ASAP2: variants seen among roughly 807,000 people sequenced by gnomAD.
ASAP2 encodes the protein ArfGAP with SH3 domain, ankyrin repeat and PH domain 2.
Under a neutral mutation model 131.4 loss-of-function variants are expected in ASAP2, and 45 were observed. The observed-to-expected ratio is 0.34, with a 90% CI of 0.27 to 0.44. The LOEUF (loss-of-function observed/expected upper bound fraction) is 0.44, where lower values mean the gene tolerates loss of function less well. Ranked by LOEUF, ASAP2 falls within the 20% of genes least tolerant of loss-of-function variation. The pLI is 1.00. For synonymous variants in ASAP2, 510 were observed against 503.0 expected, an observed-to-expected ratio of 1.01 and a Z score of -0.19; for missense variants, 1,011 against 1,297.0, an observed-to-expected ratio of 0.78 and a Z score of 3.39.
At chr2:9,243,210 G>A (rs1664100675) in intron 1 of ASAP2, among the ~76,000 whole-genome samples, 2 of 152,208 alleles carry the variant, frequency 1.3e-5, no homozygotes, top group African/African-American at 2.4e-5. Flanking sequence ...CCGGGTTCAC[G>A]CCATTCTCCT....
chr2:9,317,653 CTT>C (rs1307599967), intron 3 of ASAP2, among the ~76,000 whole-genome samples: 3 of 151,266 alleles, frequency 2.0e-5, no homozygotes, highest in African/African-American at 7.3e-5. Context: ...CATTTACACA[CTT>C]ACACAATCAC....
intron 12 of ASAP2, among the ~76,000 whole-genome samples, chr2:9,351,908 C>T (rs776680910): frequency 2.6e-5 from 4 of 152,182 alleles, no homozygotes; most frequent in African/African-American, 4.8e-5. Flanking sequence ...ACCATTTATT[C>T]TGTTCTTCAG....
intron 27 of ASAP2, among the ~76,000 whole-genome samples, chr2:9,403,042 GCTC>G (rs1457412105): frequency 2.6e-5 from 4 of 152,210 alleles, no homozygotes; most frequent in Non-Finnish European, 2.9e-5. Flanking sequence ...GCTGGGAAGA[GCTC>G]CTTACACGGG....
chr2:9,243,424 A>G (rs144955499), intron 1 of ASAP2, among the ~76,000 whole-genome samples: 1 of 152,230 alleles, frequency 6.6e-6, no homozygotes, highest in East Asian at 1.9e-4. Flanking sequence ...TTTTTTTTAT[A>G]ATGTGCATTT....
At position 9,320,389 on chromosome 2, in the gene ASAP2, T is replaced by G. The variant is rs370851313; in HGVS notation, c.470+52T>G. ...GTATAGGTAATTTGGGATTTCAAATTTAAACCAACCTCGTATTGCTTAAAG... is the reference window on the plus strand; with the variant it reads ...GTATAGGTAATTTGGGATTTCAAATGTAAACCAACCTCGTATTGCTTAAAG... On this transcript the variant is annotated intron_variant, in intron 5 of 27. Coordinates refer to ENST00000281419, the MANE Select transcript of ASAP2 (RefSeq NM_003887.3). 182 of 1,402,164 alleles carry G rather than the reference T, an allele frequency of 1.3e-4. 1 individual carries two copies. The highest frequency in any genetic ancestry group is 2.6e-4 in the Admixed American group (15 of 56,620). 86.9% of individuals were successfully genotyped at this position (1,402,164 alleles called of 1,614,324 possible).
chr2:9,235,889 C>T (rs556301683), intron 1 of ASAP2, among the ~76,000 whole-genome samples: 1 of 152,166 alleles, frequency 6.6e-6, no homozygotes, highest in Non-Finnish European at 1.5e-5. Flanking sequence ...GATGGAGCTG[C>T]TCCACCTGGC....
In ASAP2 at chr2:9,389,672, T is replaced by C. The variant is rs1675564624; in HGVS notation, c.2383+1126T>C. 6.6e-6 allele frequency among the ~76,000 whole-genome samples: 1 copy of C among 152,076 alleles called. No individual in the cohort carries two copies. The highest frequency in any genetic ancestry group is 2.4e-5 in the African/African-American group (1 of 41,398). The stretch of plus-strand genomic sequence containing the variant: ...AGTGACAGTGAACCTGTCATGTGAG[T>C]CACTGAGTCATACCCCGAAGAACAA... On this transcript the variant is annotated intron_variant, in intron 22 of 27. Coordinates refer to ENST00000281419, the MANE Select transcript of ASAP2 (RefSeq NM_003887.3). This position sits in a 1 kb window ranked among gnomAD's most constrained non-coding sequence, Gnocchi z 4.7.
rs1000544851 is a variant in ASAP2 at position 9,405,233 on chromosome 2, G to A, written c.*1906G>A. Reference sequence around the variant, plus strand: ...TTACCAGAGGAGAAATTATATTAACGACCCTGCTAATATCCTTTCTTAGTT... The same window carrying A: ...TTACCAGAGGAGAAATTATATTAACAACCCTGCTAATATCCTTTCTTAGTT... On this transcript the variant is annotated 3_prime_UTR_variant, in exon 28 of 28. Transcript: ENST00000281419. 3.3e-5 allele frequency: 5 copies of A among 152,150 alleles called. No homozygotes were observed. The highest frequency in any genetic ancestry group is 2.0e-4 in the Admixed American group (3 of 15,264). 9.4% of individuals were successfully genotyped at this position (152,150 alleles called of 1,614,324 possible). A position where few individuals can be genotyped will look rare whatever the true frequency, so the allele number is the denominator to read the frequency against.
intron 1 of ASAP2, among the ~76,000 whole-genome samples, chr2:9,223,155 A>G (rs565455647): frequency 8.5e-5 from 13 of 152,230 alleles, no homozygotes; most frequent in African/African-American, 2.6e-4. Flanking sequence ...ACTCCCCTCA[A>G]TTTTCTAGAA....
In ASAP2 at chr2:9,392,406, T is replaced by A. The variant is rs185919440; in HGVS notation, c.2519-1076T>A. ...ATTCTAGAGCCGAGGTGCTCGTGAC[T>A]TCCTTAGAGTAAGTTAAAATTAAAA... On this transcript the variant is annotated intron_variant, in intron 23 of 27. Transcript: ENST00000281419. This position sits in a 1 kb window ranked among gnomAD's most constrained non-coding sequence, Gnocchi z 4.0. 6.6e-6 allele frequency among the ~76,000 whole-genome samples: 1 copy of A among 152,216 alleles called. No homozygotes were observed. The highest frequency in any genetic ancestry group is 1.5e-5 in the Non-Finnish European group (1 of 68,042).
rs917466878 is a variant in ASAP2 at position 9,388,526 on chromosome 2, C to G, written c.2363C>G (p.Pro788Arg). 1.2e-6 allele frequency: 2 copies of G among 1,613,208 alleles called. No homozygotes were observed. The highest frequency in any genetic ancestry group is 1.7e-6 in the Non-Finnish European group (2 of 1,179,748). ...APSTTSAPPL[P>R]PRNVGKVQTA... ...AGCACCACCAGCGCCCCCCCGCTTC[C>G]TCCACGGAATGTTGGCAAAGGTATG... The change falls in exon 22 of 28, where the codon CCT (proline) becomes CGT (arginine). Residue 788 changes from proline (P) to arginine (R), a missense_variant. Pro to Arg is a moderately radical substitution (Grantham distance 103). Transcript: ENST00000281419.
At chr2:9,378,710 G>T (rs909855546) in intron 18 of ASAP2, among the ~76,000 whole-genome samples, 21 of 152,158 alleles carry the variant, frequency 1.4e-4, no homozygotes, top group Admixed American at 1.2e-3. Context: ...CTCCCCTTTT[G>T]ACCTCTTCTG....
At position 9,405,240 on chromosome 2, in the gene ASAP2, C is replaced by T. The variant is rs143466595; in HGVS notation, c.*1913C>T. ...AGGAGAAATTATATTAACGACCCTG[C>T]TAATATCCTTTCTTAGTTATTTGCT... On this transcript the variant is annotated 3_prime_UTR_variant, in exon 28 of 28. Coordinates refer to ENST00000281419, the MANE Select transcript of ASAP2 (RefSeq NM_003887.3). 1 of 152,206 alleles carries T rather than the reference C, an allele frequency of 6.6e-6. No homozygotes were observed. The highest frequency in any genetic ancestry group is 2.1e-4 in the South Asian group (1 of 4,834). 9.4% of individuals were successfully genotyped at this position (152,206 alleles called of 1,614,324 possible). A position where few individuals can be genotyped will look rare whatever the true frequency, so the allele number is the denominator to read the frequency against.
chr2:9,289,940 G>T (rs1346302260), intron 2 of ASAP2, among the ~76,000 whole-genome samples: 2 of 151,962 alleles, frequency 1.3e-5, no homozygotes, highest in African/African-American at 2.4e-5. Context: ...ATTGAAAGTG[G>T]AACAAGCCCG....
intron 9 of ASAP2, among the ~76,000 whole-genome samples, chr2:9,344,052 A>C (rs893710409): frequency 1.3e-5 from 2 of 152,106 alleles, no homozygotes; most frequent in African/African-American, 4.8e-5. Flanking sequence ...TATTGGCCTT[A>C]CTGGGTATTC....
At position 9,268,497 on chromosome 2, in the gene ASAP2, G is replaced by A. The variant is rs146098573; in HGVS notation, c.127-10820G>A. Among the ~76,000 whole-genome samples the A allele has an allele frequency of 4.6e-4, 70 of 152,278 alleles. No homozygotes were observed. Among genetic ancestry groups the A allele is most frequent in the Middle Eastern group, 3.4e-3 (1 of 292 alleles). The stretch of plus-strand genomic sequence containing the variant: ...TTTATTCCCACAAGGGGGGAGGTTC[G>A]TTATTGCTCTGGCTTTAAACGGAGC... On this transcript the variant is annotated intron_variant, in intron 1 of 27. Transcript: ENST00000281419. The surrounding 1 kb of genome is among the most constrained non-coding windows in gnomAD (Gnocchi z 4.1).
intron 1 of ASAP2, chr2:9,271,147 C>T (rs1322390656): frequency 2.0e-6 from 1 of 495,628 alleles, no homozygotes; most frequent in Admixed American, 3.5e-5. Flanking sequence ...AGGAGTTACA[C>T]TAGTCCAAGT....
At chr2:9,235,030 G>A (rs927613836) in intron 1 of ASAP2, among the ~76,000 whole-genome samples, 6 of 152,076 alleles carry the variant, frequency 3.9e-5, no homozygotes, top group African/African-American at 4.8e-5. Context: ...CCAGCCTTCT[G>A]CTTGCTCTGC....
intron 15 of ASAP2, among the ~76,000 whole-genome samples, chr2:9,364,648 A>G (rs1436299675): frequency 6.6e-6 from 1 of 152,232 alleles, no homozygotes; most frequent in Non-Finnish European, 1.5e-5. Flanking sequence ...GCGGGTCAAC[A>G]CACAGTCTGA....
Sources: gnomAD v4.1 joint callset for allele counts (sites outside exome capture counted in the v4.1 genomes callset) on GRCh38, gnomAD v4.1.1 for gene constraint, Gnocchi (gnomAD v3.1) non-coding constraint, MANE v1.5 for transcripts, NCBI Gene and HGNC (gene_info 2026-07-23, HGNC 2026-07-21) for gene names.